SIPA1L1: variants seen among roughly 807,000 people sequenced by gnomAD.
SIPA1L1 encodes the protein signal induced proliferation associated 1 like 1.
SIPA1L1 carries 26 observed loss-of-function variants against 162.7 expected under a neutral mutation model. That is an observed-to-expected ratio of 0.16 (90% CI 0.12 to 0.22). SIPA1L1 has a LOEUF of 0.22. Among genes scored for constraint, SIPA1L1 ranks in the 10% least tolerant of loss-of-function variants. The pLI is 1.00. For synonymous variants in SIPA1L1, 829 were observed against 837.4 expected (o/e 0.99, Z 0.17); for missense variants, 1,874 against 2,241.0 (o/e 0.84, Z 3.31).
At chr14:71,332,892 A>G (rs1478117949) in intron 2 of SIPA1L1, among the ~76,000 whole-genome samples, 1 of 152,220 alleles carries the variant, frequency 6.6e-6, no homozygotes, top group African/African-American at 2.4e-5. Context: ...ACTATGATTT[A>G]GTAAGATTTA....
intron 16 of SIPA1L1, among the ~76,000 whole-genome samples, chr14:71,705,558 C>T (rs1419458176): frequency 1.3e-5 from 2 of 152,204 alleles, no homozygotes; most frequent in African/African-American, 4.8e-5. Context: ...TCTGCCACCC[C>T]CACAGGTCTG....
At chr14:71,485,875 T>G (rs1431138612) in intron 2 of SIPA1L1, among the ~76,000 whole-genome samples, 1 of 152,126 alleles carries the variant, frequency 6.6e-6, no homozygotes, top group Non-Finnish European at 1.5e-5. Flanking sequence ...AGGAAGCTTT[T>G]GTAAATTGCT....
chr14:71,670,238 AACTT>A (rs2044385886), intron 10 of SIPA1L1, among the ~76,000 whole-genome samples: 1 of 152,188 alleles, frequency 6.6e-6, no homozygotes. Context: ...TTTTAGGAGA[AACTT>A]ACTTTTTTTC....
intron 5 of SIPA1L1, among the ~76,000 whole-genome samples, chr14:71,590,021 TAA>T (rs200463823): frequency 6.4e-3 from 546 of 84,774 alleles, no homozygotes; most frequent in East Asian, 0.018. Flanking sequence ...AGTGGGAGAG[TAA>T]AAAAAAAAAA....
intron 5 of SIPA1L1, among the ~76,000 whole-genome samples, chr14:71,612,706 A>C (rs1401759566): frequency 2.0e-5 from 3 of 152,140 alleles, no homozygotes; most frequent in African/African-American, 7.2e-5. Context: ...TTCACAAGTA[A>C]AACACCAAGC....
intron 2 of SIPA1L1, among the ~76,000 whole-genome samples, chr14:71,358,401 C>T (rs1263586765): frequency 6.6e-6 from 1 of 152,192 alleles, no homozygotes; most frequent in Non-Finnish European, 1.5e-5. Context: ...TTTGCTCATA[C>T]ATAACTCTTT....
chr14:71,653,755 TC>T (rs2042827234), intron 8 of SIPA1L1, among the ~76,000 whole-genome samples: 1 of 152,190 alleles, frequency 6.6e-6, no homozygotes. Context: ...GAAGCAGAAG[TC>T]CCAGATACTT....
At chr14:71,618,113 C>T (rs1460918879) in intron 5 of SIPA1L1, among the ~76,000 whole-genome samples, 15 of 152,222 alleles carry the variant, frequency 9.9e-5, no homozygotes, top group Admixed American at 9.8e-4. Flanking sequence ...AAGAGAGGCC[C>T]TAGGCTCATC....
chr14:71,495,374 A>G (rs2049657283), intron 2 of SIPA1L1, among the ~76,000 whole-genome samples: 1 of 151,674 alleles, frequency 6.6e-6, no homozygotes, highest in South Asian at 2.1e-4. Context: ...GAATTTGTCC[A>G]TTTAATCTAA....
chr14:71,450,827 TATGCAAA>T (rs748090411), intron 2 of SIPA1L1, among the ~76,000 whole-genome samples: 1 of 152,188 alleles, frequency 6.6e-6, no homozygotes, highest in Non-Finnish European at 1.5e-5. Flanking sequence ...GAATAGCCAT[TATGCAAA>T]ACAATATGGA....
intron 4 of SIPA1L1, among the ~76,000 whole-genome samples, chr14:71,533,455 A>G (rs2053624142): frequency 6.6e-6 from 1 of 152,236 alleles, no homozygotes; most frequent in Non-Finnish European, 1.5e-5. Context: ...CAAAAAGGCC[A>G]AATTTTCAAC....
intron 7 of SIPA1L1, among the ~76,000 whole-genome samples, chr14:71,632,094 A>T (rs2148750865): frequency 6.6e-6 from 1 of 152,338 alleles, no homozygotes; most frequent in South Asian, 2.1e-4. Flanking sequence ...TGGACTCTGG[A>T]TTCTGGAAAG....
At chr14:71,365,035 C>T (rs539403449) in intron 2 of SIPA1L1, among the ~76,000 whole-genome samples, 2 of 151,484 alleles carry the variant, frequency 1.3e-5, no homozygotes, top group South Asian at 4.2e-4. Context: ...GCATGAGCCA[C>T]CATGCTAGGC....
At chr14:71,654,551 CTGTT>C (rs200806343) in intron 8 of SIPA1L1, among the ~76,000 whole-genome samples, 1,755 of 152,256 alleles carry the variant, frequency 0.012, 22 homozygotes, top group Non-Finnish European at 0.018. Context: ...ATGTTAGTGA[CTGTT>C]TGTTTTCTCC....
intron 2 of SIPA1L1, among the ~76,000 whole-genome samples, chr14:71,489,592 C>A (rs3088206): frequency 0.58 from 87,738 of 151,736 alleles, 26,025 homozygotes; most frequent in East Asian, 0.77. Context: ...TGGAGACTGC[C>A]TAAATCAGGG....
intron 12 of SIPA1L1, among the ~76,000 whole-genome samples, chr14:71,679,412 C>T (rs2045554229): frequency 6.6e-6 from 1 of 152,094 alleles, no homozygotes; most frequent in African/African-American, 2.4e-5. Flanking sequence ...CCAGGCCTGC[C>T]CTACAAGAGC....
At chr14:71,677,520 T>C (rs573939454) in intron 12 of SIPA1L1, among the ~76,000 whole-genome samples, 1 of 152,346 alleles carries the variant, frequency 6.6e-6, no homozygotes, top group South Asian at 2.1e-4. Flanking sequence ...GCCATTACTT[T>C]TGGTGTTTTA....
chr14:71,545,313 A>G (rs2055084848), intron 4 of SIPA1L1, among the ~76,000 whole-genome samples: 2 of 152,230 alleles, frequency 1.3e-5, no homozygotes, highest in South Asian at 4.1e-4. Context: ...GAGAATAGAC[A>G]TTTTAATAAT....
chr14:71,485,445 G>T (rs1465396411), intron 2 of SIPA1L1, among the ~76,000 whole-genome samples: 1 of 152,092 alleles, frequency 6.6e-6, no homozygotes, highest in East Asian at 1.9e-4. Context: ...CAGATCAGTG[G>T]TGGCATTAGA....
Sources: allele counts gnomAD v4.1 joint callset (sites outside exome capture counted in the v4.1 genomes callset), GRCh38; gene constraint gnomAD v4.1.1; transcripts MANE v1.5; gene names NCBI Gene and HGNC (gene_info 2026-07-23, HGNC 2026-07-21).